Variants in DMD observed in about 807,000 individuals in gnomAD.
The protein encoded by DMD is mutant dystrophin.
In DMD, 63 loss-of-function variants were observed where a neutral mutation model predicts 330.1. The ratio of observed to expected loss-of-function variants is 0.19; its 90% CI spans 0.16 to 0.24. The LOEUF (loss-of-function observed/expected upper bound fraction) is 0.24, where lower values mean the gene tolerates loss of function less well. Among genes scored for constraint, DMD ranks in the 10% least tolerant of loss-of-function variants. The probability of loss-of-function intolerance (pLI) is 1.00; values close to 1 mark genes in which losing one functional copy is unlikely to be tolerated. For synonymous variants in DMD, 1,223 were observed against 959.8 expected, an observed-to-expected ratio of 1.27 and a Z score of -5.07; for missense variants, 3,344 against 2,684.1, an observed-to-expected ratio of 1.25 and a Z score of -5.43.
At chrX:31,562,356 A>G (rs1211038860) in intron 55 of DMD, among the ~76,000 whole-genome samples, 2 of 112,201 alleles carry the variant, frequency 1.8e-5, no homozygotes, top group East Asian at 5.6e-4. Context: ...ATCAAAAGGT[A>G]AGTGCATTTA....
rs185190263 is a variant in DMD, at chrX:32,746,816, T to A, written c.650-47523A>T. The stretch of plus-strand genomic sequence containing the variant: ...CTAGTACATATCCGTCCTATTTAGC[T>A]TATCATTTTGTATCTGTTAACTAGC... On this transcript the variant is annotated intron_variant, in intron 7 of 78. Coordinates refer to ENST00000357033, the MANE Select transcript of DMD (RefSeq NM_004006.3). Among the ~76,000 whole-genome samples, 337 of 111,508 alleles carry A rather than the reference T, an allele frequency of 3.0e-3. 2 individuals are homozygous for A. The highest frequency in any genetic ancestry group is 0.01 in the African/African-American group (317 of 30,649).
intron 55 of DMD, among the ~76,000 whole-genome samples, chrX:31,596,571 T>A (rs370344943): frequency 9.0e-6 from 1 of 111,654 alleles, no homozygotes; most frequent in Non-Finnish European, 1.9e-5. Context: ...ATTGATAGAA[T>A]TGGACAACCT....
At chrX:31,604,388 T>C in intron 55 of DMD, among the ~76,000 whole-genome samples, 1 of 111,785 alleles carries the variant, frequency 8.9e-6, no homozygotes, top group East Asian at 2.8e-4. Context: ...TCTGTGATTC[T>C]ATGGTCTCTG....
At position 32,368,224 on chromosome X, in the gene DMD, GGTAATCTTT is replaced by G. The variant is rs768402419; in HGVS notation, c.4846-3034_4846-3026del. Among the ~76,000 whole-genome samples, 87 of 111,695 alleles carry G rather than the reference GGTAATCTTT, an allele frequency of 7.8e-4. 1 individual carries two copies. Among genetic ancestry groups the G allele is most frequent in the African/African-American group, 2.7e-3 (84 of 30,805 alleles). On this transcript the variant is annotated intron_variant, in intron 34 of 78. Coordinates refer to ENST00000357033, the MANE Select transcript of DMD (RefSeq NM_004006.3). ...ATTCACTGCCAGAGATGAGGAATGA[GGTAATCTTT>G]GCAAACCTCACTCTAATCATGCCTA... is the stretch of plus-strand genomic sequence containing the variant.
intron 55 of DMD, among the ~76,000 whole-genome samples, chrX:31,562,463 T>C (rs1303397405): frequency 8.9e-6 from 1 of 112,045 alleles, no homozygotes; most frequent in Non-Finnish European, 1.9e-5. Context: ...CATTAAAAAT[T>C]ATCATTCTTA....
At chrX:31,632,238 A>G in intron 54 of DMD, among the ~76,000 whole-genome samples, 1 of 111,756 alleles carries the variant, frequency 8.9e-6, no homozygotes, top group Non-Finnish European at 1.9e-5. Context: ...AAGGAAGGGA[A>G]ACTTGTTGCT....
intron 7 of DMD, among the ~76,000 whole-genome samples, chrX:32,762,881 G>A (rs1225017563): frequency 8.9e-6 from 1 of 111,988 alleles, no homozygotes; most frequent in Non-Finnish European, 1.9e-5. Flanking sequence ...ATAATGCGAA[G>A]AACTGAGAGA....
chrX:32,758,597 C>T (rs1364507268), intron 7 of DMD, among the ~76,000 whole-genome samples: 2 of 111,563 alleles, frequency 1.8e-5, no homozygotes, highest in African/African-American at 6.5e-5. Context: ...AATTATGTAA[C>T]AAGCCCCTTA....
At chrX:32,067,592 C>A (rs1169239141) in intron 44 of DMD, among the ~76,000 whole-genome samples, 1 of 111,322 alleles carries the variant, frequency 9.0e-6, no homozygotes, top group Non-Finnish European at 1.9e-5. Context: ...CAACTCATAA[C>A]TGAGTACATA....
rs2091779701 is a variant in DMD, at chrX:31,795,392, G to A, written c.7310-21200C>T. 3.6e-5 allele frequency among the ~76,000 whole-genome samples: 4 copies of A among 112,158 alleles called. No homozygotes were observed. The South Asian group carries it at 1.5e-3, about 42-fold the overall frequency. On this transcript the variant is annotated intron_variant, in intron 50 of 78. Transcript: ENST00000357033. ...CTGAGGGTGAAATCTCTGAATCTGT[G>A]AGGTAAGTGTTTATGTCTCTCACTG...
At chrX:32,908,282 C>A (rs943441932) in intron 2 of DMD, among the ~76,000 whole-genome samples, 2 of 111,896 alleles carry the variant, frequency 1.8e-5, no homozygotes, top group African/African-American at 6.5e-5. Context: ...CAGCAGAGCA[C>A]AGCTGCATAT....
chrX:31,263,986 T>G (rs1421252673), intron 62 of DMD, among the ~76,000 whole-genome samples: 1 of 112,385 alleles, frequency 8.9e-6, no homozygotes, highest in African/African-American at 3.2e-5. Flanking sequence ...CTGTGATGAA[T>G]CCAGAGCCCC....
Position 32,468,543 on chromosome X carries a change from A to G in DMD, c.3117T>C (p.His1039=). The G allele has an allele frequency of 8.3e-7, 1 of 1,210,236 alleles. No homozygotes were observed. The stretch of plus-strand genomic sequence containing the variant: ...TCATTTGCTCCTCTAGCTTTTGACA[A>G]TGCTCAACCAGCTGGGAGGAGAGCT... ...WKKLSSQLVE[H]CQKLEEQMNK... The change falls in exon 23 of 79, where the codon CAT becomes CAC. Residue 1039 remains histidine, a synonymous_variant. Coordinates refer to ENST00000357033, the MANE Select transcript of DMD (RefSeq NM_004006.3).
At chrX:33,237,140 T>C (rs1018133433) in intron 1 of DMD, among the ~76,000 whole-genome samples, 2 of 109,258 alleles carry the variant, frequency 1.8e-5, no homozygotes, top group Non-Finnish European at 3.8e-5. Flanking sequence ...TTCCAAATAA[T>C]ATAAAACGCA....
chrX:32,163,350 C>G (rs2096856966), intron 44 of DMD, among the ~76,000 whole-genome samples: 2 of 112,455 alleles, frequency 1.8e-5, no homozygotes, highest in South Asian at 7.3e-4. Context: ...GGTACTCTTA[C>G]TCTCTGTTCT....
chrX:31,705,646 ATAAG>A (rs1181244420), intron 52 of DMD, among the ~76,000 whole-genome samples: 1 of 112,736 alleles, frequency 8.9e-6, no homozygotes, highest in African/African-American at 3.2e-5. Flanking sequence ...TTTGAGATAA[ATAAG>A]TAAGAGAGAA....
intron 51 of DMD, among the ~76,000 whole-genome samples, chrX:31,740,050 C>T (rs1035500390): frequency 1.1e-4 from 12 of 109,936 alleles, no homozygotes; most frequent in Admixed American, 6.8e-4. Context: ...CCTTAACATC[C>T]AAAAATGAAA....
intron 44 of DMD, chrX:32,205,904 G>T (rs1476971215): frequency 8.8e-6 from 3 of 340,896 alleles, no homozygotes; most frequent in Admixed American, 7.3e-5. Flanking sequence ...GATGGACGAT[G>T]ATGGACATGA....
chrX:31,239,368 C>T (rs2048032842), intron 63 of DMD, among the ~76,000 whole-genome samples: 2 of 111,964 alleles, frequency 1.8e-5, no homozygotes, highest in South Asian at 7.6e-4. Flanking sequence ...AAATGAAATA[C>T]ATGGTGCCTT....
Sources: gnomAD v4.1 joint callset for allele counts (sites outside exome capture counted in the v4.1 genomes callset) on GRCh38, gnomAD v4.1.1 for gene constraint, MANE v1.5 for transcripts, NCBI Gene and HGNC (gene_info 2026-07-23, HGNC 2026-07-21) for gene names.